Variants in SSBP2 observed in about 807,000 individuals in gnomAD.
SSBP2 encodes the protein single-stranded DNA-binding protein 2.
In SSBP2, 17 loss-of-function variants were observed where a neutral mutation model predicts 61.8. That is an observed-to-expected ratio of 0.28 (90% CI 0.19 to 0.41). The LOEUF is 0.41. Ranked by LOEUF, SSBP2 falls within the 10% of genes least tolerant of loss-of-function variation. The pLI is 1.00. For missense variants in SSBP2, 310 were observed against 458.7 expected (o/e 0.68, Z 2.96); for synonymous variants, 139 against 141.3 (o/e 0.98, Z 0.12).
chr5:81,479,778 A>C (rs1343650339), intron 6 of SSBP2, among the ~76,000 whole-genome samples: 2 of 152,166 alleles, frequency 1.3e-5, no homozygotes, highest in African/African-American at 4.8e-5. Context: ...AGTTATTATT[A>C]TTCATCCTTT....
chr5:81,518,056 T>A (rs965774670), intron 4 of SSBP2, among the ~76,000 whole-genome samples: 1 of 152,122 alleles, frequency 6.6e-6, no homozygotes, highest in African/African-American at 2.4e-5. Flanking sequence ...TTACTAAGAA[T>A]GCTAGAGAAC....
At chr5:81,749,013 C>T (rs1380877565) in intron 1 of SSBP2, among the ~76,000 whole-genome samples, 1 of 152,098 alleles carries the variant, frequency 6.6e-6, no homozygotes, top group African/African-American at 2.4e-5. Flanking sequence ...ATTCAGTCAC[C>T]CCCAAAATAA....
chr5:81,421,755 G>T (rs767468174), intron 16 of SSBP2, among the ~76,000 whole-genome samples: 1 of 152,214 alleles, frequency 6.6e-6, no homozygotes, highest in Non-Finnish European at 1.5e-5. Flanking sequence ...TTTCTTCAAA[G>T]ACATACTTGT....
chr5:81,502,830 G>GT (rs1767898227), intron 5 of SSBP2, among the ~76,000 whole-genome samples: 1 of 152,060 alleles, frequency 6.6e-6, no homozygotes, highest in Admixed American at 6.6e-5. Context: ...CTAATTAAAC[G>GT]TAAGAGCTTC....
chr5:81,594,286 AGCT>A (rs1743465932), intron 4 of SSBP2, among the ~76,000 whole-genome samples: 1 of 152,216 alleles, frequency 6.6e-6, no homozygotes, highest in African/African-American at 2.4e-5. Flanking sequence ...CAACAAGAAG[AGCT>A]AACTATCCTA....
rs890384092 is a variant in SSBP2, at chr5:81,615,203, C to A, written c.282+270G>T. 7.4e-5 allele frequency: 19 copies of A among 255,246 alleles called. No individual in the cohort carries two copies. The East Asian group carries it at 1.5e-3, about 20-fold the overall frequency. The allele number at this position is 255,246 out of a possible 1,614,324, so 15.8% of individuals were successfully genotyped here. A position where few individuals can be genotyped will look rare whatever the true frequency, so the allele number is the denominator to read the frequency against. ...ACTATATATTTAATTTTCATAAAAT[C>A]TGAAATTTCACAAATCAGACATGCT... On this transcript the variant is annotated intron_variant, in intron 4 of 16. Coordinates refer to ENST00000320672, the MANE Select transcript of SSBP2 (RefSeq NM_012446.5).
rs1472369459 is a variant in SSBP2 at position 81,414,717 on chromosome 5, A to C, written c.*5787T>G. The C allele has an allele frequency of 6.6e-6, 1 of 152,234 alleles. No individual in the cohort carries two copies. The highest frequency in any genetic ancestry group is 1.5e-5 in the Non-Finnish European group (1 of 68,046). The allele number at this position is 152,234 out of a possible 1,614,324, so 9.4% of individuals were successfully genotyped here. A position where few individuals can be genotyped will look rare whatever the true frequency, so the allele number is the denominator to read the frequency against. The stretch of plus-strand genomic sequence containing the variant: ...GAAGGCCTAATGTGGACAAGCTAAC[A>C]TGGGTGTGCTAAACCTACGCACAGG... On this transcript the variant is annotated 3_prime_UTR_variant, in exon 17 of 17. Coordinates refer to ENST00000320672, the MANE Select transcript of SSBP2 (RefSeq NM_012446.5).
At chr5:81,739,978 C>T (rs1039021189) in intron 1 of SSBP2, among the ~76,000 whole-genome samples, 1 of 152,164 alleles carries the variant, frequency 6.6e-6, no homozygotes, top group Non-Finnish European at 1.5e-5. Context: ...TCAATGATCA[C>T]TCTTGTCGAT....
At chr5:81,729,358 A>T (rs564058050) in intron 1 of SSBP2, among the ~76,000 whole-genome samples, 20 of 152,338 alleles carry the variant, frequency 1.3e-4, no homozygotes, top group Non-Finnish European at 2.5e-4. Context: ...AAGCAATTAT[A>T]AAACAATGTG....
At chr5:81,728,627 A>G (rs1756050146) in intron 1 of SSBP2, among the ~76,000 whole-genome samples, 1 of 152,188 alleles carries the variant, frequency 6.6e-6, no homozygotes, top group South Asian at 2.1e-4. Flanking sequence ...GATCAGATGC[A>G]ATAATTTGGG....
At chr5:81,551,044 G>T (rs1427485317) in intron 4 of SSBP2, among the ~76,000 whole-genome samples, 1 of 148,122 alleles carries the variant, frequency 6.8e-6, no homozygotes, top group Non-Finnish European at 1.5e-5. Context: ...TGCAGCGAGC[G>T]GAGATCACAC....
At chr5:81,425,026 A>G (rs187856531) in intron 16 of SSBP2, among the ~76,000 whole-genome samples, 38 of 152,370 alleles carry the variant, frequency 2.5e-4, no homozygotes, top group Admixed American at 1.6e-3. Context: ...ACAGCATTAC[A>G]GTTTGGTTCA....
intron 1 of SSBP2, among the ~76,000 whole-genome samples, chr5:81,719,300 G>A (rs1755386823): frequency 6.6e-6 from 1 of 152,104 alleles, no homozygotes; most frequent in South Asian, 2.1e-4. Context: ...CTTTCCCCAT[G>A]CCCATCCCCG....
intron 4 of SSBP2, among the ~76,000 whole-genome samples, chr5:81,565,052 C>T (rs950794269): frequency 1.3e-5 from 2 of 152,196 alleles, no homozygotes; most frequent in Non-Finnish European, 2.9e-5. Flanking sequence ...AAGCATTACG[C>T]ATAGTCTTCT....
intron 4 of SSBP2, among the ~76,000 whole-genome samples, chr5:81,551,707 A>C (rs1772205061): frequency 6.6e-6 from 1 of 152,228 alleles, no homozygotes; most frequent in African/African-American, 2.4e-5. Flanking sequence ...CGTGACATTT[A>C]GTAATTATAT....
intron 1 of SSBP2, among the ~76,000 whole-genome samples, chr5:81,703,925 A>G (rs1438858057): frequency 6.6e-6 from 1 of 152,208 alleles, no homozygotes; most frequent in East Asian, 1.9e-4. Context: ...AGAGCTGAAG[A>G]TACTTGCTAC....
At chr5:81,578,632 T>C (rs1308517398) in intron 4 of SSBP2, among the ~76,000 whole-genome samples, 1 of 151,630 alleles carries the variant, frequency 6.6e-6, no homozygotes, top group African/African-American at 2.4e-5. Flanking sequence ...AAGATAGTGA[T>C]TAAGAGTGAG....
chr5:81,658,635 A>T (rs1750430797), intron 1 of SSBP2, among the ~76,000 whole-genome samples: 1 of 152,098 alleles, frequency 6.6e-6, no homozygotes, highest in African/African-American at 2.4e-5. Context: ...CTAACGGCTG[A>T]CTGTATAAGT....
intron 4 of SSBP2, among the ~76,000 whole-genome samples, chr5:81,585,527 C>A (rs560827445): frequency 6.6e-6 from 1 of 151,570 alleles, no homozygotes; most frequent in East Asian, 1.9e-4. Context: ...TAAAAAAAAT[C>A]TGCAATTGAC....
Sources: allele counts gnomAD v4.1 joint callset (sites outside exome capture counted in the v4.1 genomes callset), GRCh38; gene constraint gnomAD v4.1.1; transcripts MANE v1.5; gene names NCBI Gene and HGNC (gene_info 2026-07-23, HGNC 2026-07-21).